ASTN2: variants seen among roughly 807,000 people sequenced by gnomAD.
The protein encoded by ASTN2 is astrotactin-2.
In ASTN2, 54 loss-of-function variants were observed where a neutral mutation model predicts 139.8. The ratio of observed to expected loss-of-function variants is 0.39; its 90% CI spans 0.31 to 0.48. ASTN2 has a LOEUF of 0.48. Ranked by LOEUF, ASTN2 falls within the 20% of genes least tolerant of loss-of-function variation. The pLI is 0.95. For synonymous variants in ASTN2, 756 were observed against 719.5 expected (o/e 1.05, Z -0.81); for missense variants, 1,565 against 1,725.1 (o/e 0.91, Z 1.64).
rs909863986 is a variant in ASTN2 at position 116,509,682 on chromosome 9, C to T, written c.3356-22182G>A. Among the ~76,000 whole-genome samples the T allele has an allele frequency of 2.8e-4, 42 of 152,222 alleles. 1 individual carries two copies. The Middle Eastern group carries it at 0.02, about 74-fold the overall frequency. On this transcript the variant is annotated intron_variant, in intron 19 of 22. Coordinates refer to ENST00000313400, the MANE Select transcript of ASTN2 (RefSeq NM_001365068.1). ...CTCTCCAGCACCTGTTGTTTTCTGA[C>T]TTTTTAATGATTGCCATTCTAACTG...
At chr9:117,030,704 T>G (rs1051676928) in intron 6 of ASTN2, among the ~76,000 whole-genome samples, 21 of 150,988 alleles carry the variant, frequency 1.4e-4, no homozygotes, top group African/African-American at 4.9e-4. Context: ...ATGGCTTAAA[T>G]TTTTTTTCTT....
At chr9:116,716,511 T>G (rs1327667057) in intron 16 of ASTN2, among the ~76,000 whole-genome samples, 2 of 152,188 alleles carry the variant, frequency 1.3e-5, no homozygotes. Flanking sequence ...ATCTGTAGAA[T>G]GGGAATGGCT....
Position 117,245,160 on chromosome 9 carries a change from T to C in ASTN2, c.631-30418A>G, listed in dbSNP as rs538574427. Among the ~76,000 whole-genome samples, 63 of 152,290 alleles carry C rather than the reference T, an allele frequency of 4.1e-4. 1 individual carries two copies. In the South Asian group the frequency reaches 8.7e-3, roughly 21 times the overall value. Reference sequence around the variant, plus strand: ...AATCCACAGGCCAGGGCATGCTCTCTGTGTAATGGCAATGGATAAGCTGTC... The same window carrying C: ...AATCCACAGGCCAGGGCATGCTCTCCGTGTAATGGCAATGGATAAGCTGTC... On this transcript the variant is annotated intron_variant, in intron 2 of 22. Transcript: ENST00000313400.
intron 10 of ASTN2, among the ~76,000 whole-genome samples, chr9:116,960,623 T>C (rs2132502344): frequency 6.6e-6 from 1 of 152,156 alleles, no homozygotes; most frequent in Admixed American, 6.5e-5. Flanking sequence ...CTGACTTCTA[T>C]CTACTAGATA....
intron 2 of ASTN2, among the ~76,000 whole-genome samples, chr9:117,247,531 A>G (rs568432151): frequency 2.9e-4 from 44 of 152,346 alleles, no homozygotes; most frequent in Non-Finnish European, 5.6e-4. Flanking sequence ...AGTCTTGAGT[A>G]TGGGATGATT....
At chr9:116,568,780 G>A (rs1449424165) in intron 19 of ASTN2, 1 of 152,240 alleles carries the variant, frequency 6.6e-6, no homozygotes, top group East Asian at 1.9e-4. Context: ...AATTGAACCA[G>A]GCAAGACTGA....
chr9:116,944,964 G>C (rs576272877), intron 10 of ASTN2, among the ~76,000 whole-genome samples: 5 of 152,266 alleles, frequency 3.3e-5, no homozygotes, highest in Admixed American at 6.5e-5. Context: ...TCCAGAGATA[G>C]TAAGGATTTC....
chr9:116,831,761 G>C (rs570911483), intron 11 of ASTN2, among the ~76,000 whole-genome samples: 10 of 152,108 alleles, frequency 6.6e-5, no homozygotes, highest in African/African-American at 2.4e-4. Flanking sequence ...TTCCTTTGCC[G>C]TTCGTTTAAA....
At chr9:117,222,719 C>G (rs1190768715) in intron 2 of ASTN2, among the ~76,000 whole-genome samples, 1 of 152,154 alleles carries the variant, frequency 6.6e-6, no homozygotes. Context: ...TTTCCCTTCC[C>G]CAGGTGCAGC....
intron 11 of ASTN2, among the ~76,000 whole-genome samples, chr9:116,835,347 C>CATATATTTTTT (rs1831950465): frequency 7.1e-6 from 1 of 140,902 alleles, no homozygotes; most frequent in African/African-American, 2.8e-5. Context: ...TCCCAAAACA[C>CATATATTTTTT]GTTTCTTGAC....
At chr9:116,448,837 A>C (rs988638929) in intron 20 of ASTN2, among the ~76,000 whole-genome samples, 1 of 152,168 alleles carries the variant, frequency 6.6e-6, no homozygotes, top group Non-Finnish European at 1.5e-5. Context: ...GACAGTATGG[A>C]TGTAGAGAAA....
intron 19 of ASTN2, among the ~76,000 whole-genome samples, chr9:116,522,858 A>G (rs1011324565): frequency 6.6e-6 from 1 of 152,146 alleles, no homozygotes; most frequent in Non-Finnish European, 1.5e-5. Context: ...GTCTTCCACT[A>G]AATTCTGTAT....
intron 6 of ASTN2, among the ~76,000 whole-genome samples, chr9:117,026,893 T>C (rs977794122): frequency 4.2e-5 from 6 of 143,116 alleles, no homozygotes; most frequent in South Asian, 4.5e-4. Flanking sequence ...ACATTCCCCA[T>C]TTCACAGATG....
At chr9:117,385,685 T>C (rs1349783385) in intron 1 of ASTN2, among the ~76,000 whole-genome samples, 2 of 151,344 alleles carry the variant, frequency 1.3e-5, no homozygotes, top group Non-Finnish European at 2.9e-5. Context: ...TAGGCTTCTG[T>C]GTGCCCCTAG....
chr9:116,809,751 G>A (rs1039006646), intron 12 of ASTN2, among the ~76,000 whole-genome samples: 20 of 152,050 alleles, frequency 1.3e-4, no homozygotes, highest in East Asian at 3.9e-4. Flanking sequence ...TGTGCTGGGC[G>A]CTTCTGATAA....
intron 1 of ASTN2, among the ~76,000 whole-genome samples, chr9:117,356,283 C>T (rs1216665680): frequency 6.6e-6 from 1 of 152,160 alleles, no homozygotes; most frequent in Non-Finnish European, 1.5e-5. Flanking sequence ...TTAGACTTTT[C>T]CAGGGAGATA....
chr9:116,733,571 C>T, intron 13 of ASTN2, 48 bp from the exon 14 acceptor site: 1 of 1,611,954 alleles, frequency 6.2e-7, no homozygotes, highest in Non-Finnish European at 8.5e-7. Flanking sequence ...GTGGAGACTG[C>T]TGAGGACTAC....
intron 5 of ASTN2, among the ~76,000 whole-genome samples, chr9:117,091,737 C>A (rs1379087146): frequency 3.3e-5 from 5 of 151,976 alleles, no homozygotes; most frequent in Non-Finnish European, 7.4e-5. Context: ...AGAGTCAGGG[C>A]AAGATCACTC....
At chr9:117,219,926 C>T (rs1832459636) in intron 2 of ASTN2, among the ~76,000 whole-genome samples, 1 of 152,190 alleles carries the variant, frequency 6.6e-6, no homozygotes, top group Admixed American at 6.5e-5. Flanking sequence ...TGCCTGGGGG[C>T]ATACAGGCCA....
Sources: allele counts gnomAD v4.1 joint callset (sites outside exome capture counted in the v4.1 genomes callset), GRCh38; gene constraint gnomAD v4.1.1; transcripts MANE v1.5; gene names NCBI Gene and HGNC (gene_info 2026-07-23, HGNC 2026-07-21).